PASD1: variants seen among roughly 807,000 people sequenced by gnomAD.
PASD1 encodes circadian clock protein PASD1.
A neutral mutation model predicts 58.8 loss-of-function variants in PASD1; 13 were observed. The observed-to-expected ratio is 0.22, with a 90% CI of 0.14 to 0.35. The LOEUF is 0.35. Among genes scored for constraint, PASD1 ranks in the 10% least tolerant of loss-of-function variants. The probability of loss-of-function intolerance (pLI) is 1.00; values close to 1 mark genes in which losing one functional copy is unlikely to be tolerated. For synonymous variants in PASD1, 236 were observed against 216.7 expected (o/e 1.09, Z -0.78); for missense variants, 734 against 568.3 (o/e 1.29, Z -2.96).
intron 9 of PASD1, among the ~76,000 whole-genome samples, chrX:151,651,202 A>T (rs921734252): frequency 5.4e-5 from 6 of 111,532 alleles, no homozygotes; most frequent in African/African-American, 2.0e-4. Context: ...AGAAAAATTA[A>T]CCCTAATGAT....
chrX:151,598,933 A>C (rs762353094), intron 1 of PASD1, among the ~76,000 whole-genome samples: 128 of 110,791 alleles, frequency 1.2e-3, no homozygotes, highest in African/African-American at 4.0e-3. Flanking sequence ...ACATGTGAAC[A>C]AAGGTCTCTG....
chrX:151,573,412 AT>A (rs2012955687), intron 1 of PASD1, among the ~76,000 whole-genome samples: 1 of 112,061 alleles, frequency 8.9e-6, no homozygotes, highest in Non-Finnish European at 1.9e-5. Context: ...ATTTTTCACA[AT>A]TTTCAACTAG....
chrX:151,669,517 C>T (rs1050157121), intron 11 of PASD1, among the ~76,000 whole-genome samples: 1 of 109,956 alleles, frequency 9.1e-6, no homozygotes, highest in Non-Finnish European at 1.9e-5. Context: ...ATTTTGGTAC[C>T]CAGTAATCAA....
intron 12 of PASD1, 129 bp from the exon 13 acceptor site, chrX:151,671,444 G>A: frequency 1.1e-6 from 1 of 873,321 alleles, no homozygotes; most frequent in Admixed American, 2.7e-5. Context: ...TGGTAGATGT[G>A]GCTTATATAT....
intron 9 of PASD1, among the ~76,000 whole-genome samples, chrX:151,651,064 A>G (rs1014618210): frequency 8.9e-6 from 1 of 111,906 alleles, no homozygotes; most frequent in Non-Finnish European, 1.9e-5. Flanking sequence ...CCAGAGGATT[A>G]CAGAGAACAA....
At chrX:151,615,311 C>T (rs1046107186) in intron 4 of PASD1, among the ~76,000 whole-genome samples, 11 of 111,313 alleles carry the variant, frequency 9.9e-5, no homozygotes, top group South Asian at 3.8e-4. Context: ...CACACACACA[C>T]GCCCCCCAAA....
chrX:151,628,707 G>GT (rs1409407015), intron 8 of PASD1, among the ~76,000 whole-genome samples: 10 of 111,706 alleles, frequency 9.0e-5, no homozygotes, highest in African/African-American at 2.9e-4. Context: ...CTTTAAAGTA[G>GT]TTTTTTCCAA....
intron 1 of PASD1, among the ~76,000 whole-genome samples, chrX:151,590,412 C>A (rs1325678448): frequency 3.6e-5 from 4 of 111,238 alleles, no homozygotes; most frequent in Non-Finnish European, 5.7e-5. Flanking sequence ...GCAATTCTTG[C>A]TCCTCAGCCT....
rs140619028 is a variant in PASD1, at chrX:151,619,288, A to T, written c.208-1642A>T. ...TTACTGATATTGGGAAGACCGAGGG[A>T]GGAACATATTTTGTCAAAGAAAAGA... On this transcript the variant is annotated intron_variant, in intron 4 of 15. Coordinates refer to ENST00000370357, the MANE Select transcript of PASD1 (RefSeq NM_173493.3). 4.7e-3 allele frequency among the ~76,000 whole-genome samples: 529 copies of T among 111,859 alleles called. 4 individuals are homozygous for T. The highest frequency in any genetic ancestry group is 0.016 in the African/African-American group (496 of 30,810).
chrX:151,675,166 G>A (rs996713277), intron 15 of PASD1, among the ~76,000 whole-genome samples: 3 of 112,113 alleles, frequency 2.7e-5, no homozygotes, highest in African/African-American at 9.7e-5. Context: ...GTTGCCCAGG[G>A]AAGTGGGAAA....
chrX:151,569,336 C>G (rs2012894204), intron 1 of PASD1, among the ~76,000 whole-genome samples: 1 of 111,959 alleles, frequency 8.9e-6, no homozygotes, highest in African/African-American at 3.2e-5. Context: ...CCCATATCAG[C>G]CTCCTTTGCC....
At chrX:151,590,973 C>A (rs749549207) in intron 1 of PASD1, among the ~76,000 whole-genome samples, 2 of 111,883 alleles carry the variant, frequency 1.8e-5, no homozygotes, top group Non-Finnish European at 3.8e-5. Context: ...TCACATAGGT[C>A]CCAGATAGAA....
intron 3 of PASD1, among the ~76,000 whole-genome samples, chrX:151,608,392 T>C (rs1364393767): frequency 8.9e-6 from 1 of 111,876 alleles, no homozygotes; most frequent in Non-Finnish European, 1.9e-5. Context: ...TTCTTTCTAA[T>C]TATTCATATG....
intron 3 of PASD1, 139 bp downstream of exon 3, chrX:151,604,873 G>A: frequency 2.0e-6 from 1 of 488,334 alleles, no homozygotes. Context: ...TAAATCGTCT[G>A]AATCAGACTC....
chrX:151,668,030 T>C (rs1379275039), intron 11 of PASD1, among the ~76,000 whole-genome samples: 8 of 111,431 alleles, frequency 7.2e-5, no homozygotes, highest in African/African-American at 2.3e-4. Context: ...TGGCCAGAAC[T>C]TGCAACACTA....
At chrX:151,631,869 C>T (rs1449460302) in intron 8 of PASD1, among the ~76,000 whole-genome samples, 1 of 111,942 alleles carries the variant, frequency 8.9e-6, no homozygotes, top group African/African-American at 3.2e-5. Context: ...CCATCTTGAG[C>T]AGAGGAGGGG....
chrX:151,621,455 G>C, intron 5 of PASD1, 27 bp from the exon 6 acceptor site: 1 of 1,080,627 alleles, frequency 9.3e-7, no homozygotes, highest in East Asian at 3.1e-5. Flanking sequence ...ATGTAGACTT[G>C]TTTTGTATTT....
rs184265489 is a variant in PASD1, at chrX:151,594,137, C to T, written c.-27-7390C>T. On this transcript the variant is annotated intron_variant, in intron 1 of 15. Coordinates refer to ENST00000370357, the MANE Select transcript of PASD1 (RefSeq NM_173493.3). ...TACAGGTGCCCGCCACCATGCCTGG[C>T]CAATTTTTCGTATTTTTAGTAGAGA... 1.0e-4 allele frequency among the ~76,000 whole-genome samples: 11 copies of T among 110,323 alleles called. 1 individual carries two copies. The East Asian group carries it at 3.2e-3, about 32-fold the overall frequency.
chrX:151,670,930 T>G (rs760013979), intron 11 of PASD1, 108 bp from the exon 12 acceptor site: 2 of 883,882 alleles, frequency 2.3e-6, no homozygotes, highest in Non-Finnish European at 3.1e-6. Context: ...ATTTGAGAGC[T>G]ACCATTTGCA....
Sources: allele counts gnomAD v4.1 joint callset (sites outside exome capture counted in the v4.1 genomes callset), GRCh38; gene constraint gnomAD v4.1.1; transcripts MANE v1.5; gene names NCBI Gene and HGNC (gene_info 2026-07-23, HGNC 2026-07-21).